Variants in GABRG3 observed in about 807,000 individuals in gnomAD.
The protein encoded by GABRG3 is gamma-aminobutyric acid receptor subunit gamma-3.
A neutral mutation model predicts 48.8 loss-of-function variants in GABRG3; 25 were observed. That is an observed-to-expected ratio of 0.51 (90% CI 0.37 to 0.72). The LOEUF (loss-of-function observed/expected upper bound fraction) is 0.72. Among genes scored for constraint, GABRG3 ranks in the 30% least tolerant of loss-of-function variants. GABRG3 has a pLI of 0.00. For synonymous variants in GABRG3, 227 were observed against 217.6 expected, an observed-to-expected ratio of 1.04 and a Z score of -0.38; for missense variants, 394 against 577.9, an observed-to-expected ratio of 0.68 and a Z score of 3.26.
chr15:27,035,034 C>T (rs1461302259), intron 3 of GABRG3, among the ~76,000 whole-genome samples: 4 of 152,278 alleles, frequency 2.6e-5, no homozygotes, highest in East Asian at 1.9e-4. Flanking sequence ...AATGGAGCAA[C>T]GCAGCTTAGG....
At chr15:26,986,939 G>A (rs922922481) in intron 2 of GABRG3, among the ~76,000 whole-genome samples, 8 of 152,176 alleles carry the variant, frequency 5.3e-5, no homozygotes, top group Admixed American at 2.6e-4. Context: ...TCACTGGACC[G>A]TGGGTTTCTG....
At chr15:27,192,397 CGTATT>C (rs1450952506) in intron 3 of GABRG3, among the ~76,000 whole-genome samples, 1 of 152,152 alleles carries the variant, frequency 6.6e-6, no homozygotes, top group African/African-American at 2.4e-5. Flanking sequence ...CACATAGTCC[CGTATT>C]TCTTGGAGGC....
At chr15:27,485,411 C>CT (rs1434128281) in intron 6 of GABRG3, among the ~76,000 whole-genome samples, 12 of 152,076 alleles carry the variant, frequency 7.9e-5, no homozygotes, top group African/African-American at 2.9e-4. Flanking sequence ...AAAGCAGACT[C>CT]TATCAGGGAG....
At chr15:27,256,506 G>A (rs887591044) in intron 3 of GABRG3, among the ~76,000 whole-genome samples, 1 of 141,992 alleles carries the variant, frequency 7.0e-6, no homozygotes, top group Non-Finnish European at 1.5e-5. Flanking sequence ...GGGGGGCGGG[G>A]AGAAGAGAAG....
At chr15:27,096,967 A>C (rs1412060969) in intron 3 of GABRG3, among the ~76,000 whole-genome samples, 1 of 151,178 alleles carries the variant, frequency 6.6e-6, no homozygotes, top group Non-Finnish European at 1.5e-5. Context: ...CAGCCTCCCA[A>C]GTAGCTGGGA....
At chr15:27,169,681 A>G (rs1414111015) in intron 3 of GABRG3, among the ~76,000 whole-genome samples, 1 of 152,194 alleles carries the variant, frequency 6.6e-6, no homozygotes, top group Non-Finnish European at 1.5e-5. Flanking sequence ...CGGCAGGCTC[A>G]GGCTGCCATA....
Position 27,465,085 on chromosome 15 carries a change from G to A in GABRG3, c.575-15565G>A, listed in dbSNP as rs560264769. Among the ~76,000 whole-genome samples, 338 of 152,294 alleles carry A rather than the reference G, an allele frequency of 2.2e-3. 2 individuals carry two copies. The highest frequency in any genetic ancestry group is 5.1e-3 in the Admixed American group (78 of 15,298). On this transcript the variant is annotated intron_variant, in intron 5 of 9. Coordinates refer to ENST00000615808, the MANE Select transcript of GABRG3 (RefSeq NM_033223.5). ...GCACATGCTTCCAGGCACAGAGCCC[G>A]TGAATGTTTCCCCAGCCTGCACGGA... is the stretch of plus-strand genomic sequence containing the variant.
intron 2 of GABRG3, among the ~76,000 whole-genome samples, chr15:26,985,480 T>A (rs370728085): frequency 4.6e-5 from 7 of 152,234 alleles, no homozygotes; most frequent in African/African-American, 1.4e-4. Flanking sequence ...CCTTGAATTA[T>A]AATTTTTAAA....
At chr15:27,096,143 C>T (rs1046983394) in intron 3 of GABRG3, among the ~76,000 whole-genome samples, 20 of 152,214 alleles carry the variant, frequency 1.3e-4, no homozygotes, top group African/African-American at 4.6e-4. Flanking sequence ...TCACAGTGGG[C>T]ACCGTCACAC....
chr15:27,248,969 A>C (rs1036361788), intron 3 of GABRG3, among the ~76,000 whole-genome samples: 1 of 152,104 alleles, frequency 6.6e-6, no homozygotes, highest in Non-Finnish European at 1.5e-5. Context: ...GGACCCCGAG[A>C]CAGGCCCTGC....
chr15:27,284,104 A>T (rs1891528760), intron 3 of GABRG3, among the ~76,000 whole-genome samples: 1 of 152,188 alleles, frequency 6.6e-6, no homozygotes, highest in Non-Finnish European at 1.5e-5. Context: ...AAACTCAGAG[A>T]TGTAGAATTA....
chr15:27,464,781 C>A (rs933745831), intron 5 of GABRG3, among the ~76,000 whole-genome samples: 13 of 152,112 alleles, frequency 8.5e-5, no homozygotes, highest in African/African-American at 1.2e-4. Context: ...TATTTAAATT[C>A]TTTGCCCATT....
intron 3 of GABRG3, among the ~76,000 whole-genome samples, chr15:27,221,251 T>G (rs997657632): frequency 3.9e-5 from 6 of 152,100 alleles, no homozygotes; most frequent in African/African-American, 1.4e-4. Flanking sequence ...GCTATGCTCC[T>G]TGATGGACAG....
chr15:27,098,649 C>T (rs1897305861), intron 3 of GABRG3, among the ~76,000 whole-genome samples: 1 of 152,014 alleles, frequency 6.6e-6, no homozygotes, highest in South Asian at 2.1e-4. Flanking sequence ...GGATTTGGTA[C>T]TGAAAGTCTC....
chr15:27,376,998 C>G (rs1224283053), intron 5 of GABRG3, among the ~76,000 whole-genome samples: 1 of 152,160 alleles, frequency 6.6e-6, no homozygotes, highest in African/African-American at 2.4e-5. Flanking sequence ...CCCAACTCAC[C>G]TCTTGAATGC....
At position 27,261,889 on chromosome 15, in the gene GABRG3, G is replaced by A. The variant is rs1305706360; in HGVS notation, c.271-64920G>A. 1.0e-4 allele frequency among the ~76,000 whole-genome samples: 15 copies of A among 143,724 alleles called. 1 individual carries two copies. The highest frequency in any genetic ancestry group is 4.2e-4 in the South Asian group (2 of 4,810). The allele number at this position is 143,724 out of a possible 152,430, so 94.3% of individuals were successfully genotyped here. A position where few individuals can be genotyped will look rare whatever the true frequency, so the allele number is the denominator to read the frequency against. On this transcript the variant is annotated intron_variant, in intron 3 of 9. Coordinates refer to ENST00000615808, the MANE Select transcript of GABRG3 (RefSeq NM_033223.5). ...TTAGGCCAATAATAATGTTTCTTCT[G>A]TTATTTTCCCTGTAAGCCTCTGGGT...
At chr15:27,193,176 C>G (rs189960593) in intron 3 of GABRG3, among the ~76,000 whole-genome samples, 1 of 152,296 alleles carries the variant, frequency 6.6e-6, no homozygotes, top group African/African-American at 2.4e-5. Context: ...GGTCAGGGAC[C>G]CACATGAGGA....
At chr15:26,997,703 A>G (rs1895367374) in intron 2 of GABRG3, among the ~76,000 whole-genome samples, 1 of 152,130 alleles carries the variant, frequency 6.6e-6, no homozygotes, top group Non-Finnish European at 1.5e-5. Flanking sequence ...GTCATTTTAG[A>G]CAGTTAGATT....
intron 3 of GABRG3, among the ~76,000 whole-genome samples, chr15:27,140,510 C>T (rs1898084338): frequency 6.6e-6 from 1 of 152,144 alleles, no homozygotes; most frequent in African/African-American, 2.4e-5. Context: ...TTCCCATTTT[C>T]CCCTCCTTTT....
Sources: allele counts gnomAD v4.1 joint callset (sites outside exome capture counted in the v4.1 genomes callset), GRCh38; gene constraint gnomAD v4.1.1; transcripts MANE v1.5; gene names NCBI Gene and HGNC (gene_info 2026-07-23, HGNC 2026-07-21).